Variants in PDE1A observed in about 807,000 individuals in gnomAD.
PDE1A encodes phosphodiesterase 1A, also known as dual specificity calcium/calmodulin-dependent 3',5'-cyclic nucleotide phosphodiesterase 1A.
PDE1A carries 35 observed loss-of-function variants against 61.7 expected under a neutral mutation model. That is an observed-to-expected ratio of 0.57 (90% CI 0.43 to 0.75). The LOEUF is 0.75. Among genes scored for constraint, PDE1A ranks in the 30% least tolerant of loss-of-function variants. The pLI is 0.00. For missense variants in PDE1A, 597 were observed against 630.6 expected (o/e 0.95, Z 0.57); for synonymous variants, 232 against 213.2 (o/e 1.09, Z -0.77).
chr2:182,663,439 G>T, the PDE1A span, among the ~76,000 whole-genome samples: 20 of 152,066 alleles, frequency 1.3e-4, no homozygotes, highest in Admixed American at 1.2e-3. Context: ...CCTATCTATG[G>T]TAAACTGGAT....
At chr2:182,249,096 AC>A (rs1251072692) in intron 2 of PDE1A, among the ~76,000 whole-genome samples, 1 of 152,214 alleles carries the variant, frequency 6.6e-6, no homozygotes, top group African/African-American at 2.4e-5. Flanking sequence ...TGGGCCAGCA[AC>A]CTGCAGCTCC....
intron 1 of PDE1A, among the ~76,000 whole-genome samples, chr2:182,370,103 G>A (rs1053364342): frequency 1.3e-5 from 2 of 152,074 alleles, no homozygotes; most frequent in East Asian, 3.9e-4. Context: ...CTTGAACCTG[G>A]TAGGCAGAGG....
intron 7 of PDE1A, among the ~76,000 whole-genome samples, chr2:182,206,986 G>C (rs1687160053): frequency 6.6e-6 from 1 of 152,142 alleles, no homozygotes; most frequent in African/African-American, 2.4e-5. Context: ...CTCTTTTCTT[G>C]ATATGTTACT....
At position 182,481,132 on chromosome 2, in the gene PDE1A, AAACT is replaced by A. The variant is rs1186030283; in HGVS notation, c.101+41140_101+41143del. 2.0e-5 allele frequency among the ~76,000 whole-genome samples: 3 copies of A among 151,948 alleles called. No homozygotes were observed. In the South Asian group the frequency reaches 6.2e-4, roughly 31 times the overall value. On this transcript the variant is annotated intron_variant, in intron 2 of 14. Coordinates refer to the PDE1A transcript ENST00000410103. ...AAGTTTTAAAGAAACAAAAAGAATC[AAACT>A]AATAAACAAAAGCAATCGAAAAGTT...
intron 1 of PDE1A, among the ~76,000 whole-genome samples, chr2:182,300,534 A>T (rs1431821704): frequency 1.3e-5 from 2 of 152,198 alleles, no homozygotes; most frequent in Non-Finnish European, 2.9e-5. Flanking sequence ...GCAGGGGCAG[A>T]ACATATATTT....
intron 1 of PDE1A, among the ~76,000 whole-genome samples, chr2:182,391,661 T>G (rs1013876409): frequency 6.6e-6 from 1 of 152,060 alleles, no homozygotes; most frequent in Non-Finnish European, 1.5e-5. Flanking sequence ...TTAAACACAA[T>G]GGGAATAATT....
intron 2 of PDE1A, among the ~76,000 whole-genome samples, chr2:182,255,636 T>C (rs1284803616): frequency 6.6e-6 from 1 of 151,766 alleles, no homozygotes; most frequent in Non-Finnish European, 1.5e-5. Context: ...TCATCTACAC[T>C]TTTTCTTTTC....
the PDE1A span, among the ~76,000 whole-genome samples, chr2:182,711,582 A>G: frequency 6.6e-6 from 1 of 151,862 alleles, no homozygotes; most frequent in East Asian, 1.9e-4. Context: ...CCTAGGACCT[A>G]GATCTTGCCA....
At chr2:182,196,917 C>A (rs1470847344) in intron 10 of PDE1A, among the ~76,000 whole-genome samples, 1 of 151,590 alleles carries the variant, frequency 6.6e-6, no homozygotes. Context: ...GGCATAAATA[C>A]TCATTTATCT....
the PDE1A span, among the ~76,000 whole-genome samples, chr2:182,566,313 T>C: frequency 6.6e-6 from 1 of 152,040 alleles, no homozygotes; most frequent in South Asian, 2.1e-4. Context: ...CCCTACACCT[T>C]CTAATACTGT....
the PDE1A span, among the ~76,000 whole-genome samples, chr2:182,549,332 T>A: frequency 6.6e-6 from 1 of 152,096 alleles, no homozygotes; most frequent in African/African-American, 2.4e-5. Context: ...TCTTTCAAAT[T>A]ACAAGTATTG....
chr2:182,264,143 G>T (rs1222786957), intron 2 of PDE1A, among the ~76,000 whole-genome samples, 158 bp downstream of exon 2: 1 of 152,062 alleles, frequency 6.6e-6, no homozygotes, highest in African/African-American at 2.4e-5. Context: ...CAGTTAATTA[G>T]CTACATGAAG....
intron 3 of PDE1A, among the ~76,000 whole-genome samples, chr2:182,237,997 G>A (rs1007165899): frequency 2.0e-5 from 3 of 151,994 alleles, no homozygotes; most frequent in Admixed American, 6.5e-5. Context: ...GGCTGGGCAC[G>A]GTGGCTCACG....
the PDE1A span, among the ~76,000 whole-genome samples, chr2:182,634,113 T>C: frequency 1.2e-4 from 18 of 151,668 alleles, no homozygotes; most frequent in Non-Finnish European, 2.1e-4. Flanking sequence ...AAAAAAAAGA[T>C]AACCCCTCAA....
exon 13 of PDE1A, chr2:182,185,946 G>A (rs1685165071): frequency 1.9e-6 from 3 of 1,613,938 alleles, no homozygotes; most frequent in Admixed American, 1.7e-5. Flanking sequence ...ATGTCCACCA[G>A]GTTGTTCTTG....
At chr2:182,243,009 A>G (rs1373989524) in intron 2 of PDE1A, among the ~76,000 whole-genome samples, 3 of 151,446 alleles carry the variant, frequency 2.0e-5, no homozygotes, top group African/African-American at 7.3e-5. Flanking sequence ...ATGCTGCGTG[A>G]TAACTACCAG....
chr2:182,506,315 C>T (rs756613053), intron 2 of PDE1A, among the ~76,000 whole-genome samples: 3 of 152,090 alleles, frequency 2.0e-5, no homozygotes, highest in Non-Finnish European at 2.9e-5. Context: ...GTCTTTACAA[C>T]TTATATCTTA....
chr2:182,522,366 C>A, exon 2 of PDE1A: 1 of 1,613,466 alleles, frequency 6.2e-7, no homozygotes. Context: ...CTCTGTGGCA[C>A]TAGACCCCAT....
intron 2 of PDE1A, among the ~76,000 whole-genome samples, chr2:182,501,162 A>G (rs746893336): frequency 7.2e-5 from 11 of 152,228 alleles, no homozygotes; most frequent in Non-Finnish European, 1.3e-4. Context: ...GAATAGAGGC[A>G]CAACGACCCT....
Sources: gnomAD v4.1 joint callset for allele counts (sites outside exome capture counted in the v4.1 genomes callset) on GRCh38, gnomAD v4.1.1 for gene constraint, MANE v1.5 for transcripts, NCBI Gene and HGNC (gene_info 2026-07-23, HGNC 2026-07-21) for gene names.